The following FUT8 variants were observed in gnomAD, a reference collection of about 807,000 sequenced individuals.
FUT8 encodes the protein fucosyltransferase 8.
A neutral mutation model predicts 71.3 loss-of-function variants in FUT8; 29 were observed. The observed-to-expected ratio is 0.41, with a 90% CI of 0.30 to 0.55. The LOEUF (loss-of-function observed/expected upper bound fraction) is 0.55, where lower values mean the gene tolerates loss of function less well. Ranked by LOEUF, FUT8 falls within the 20% of genes least tolerant of loss-of-function variation. The probability of loss-of-function intolerance (pLI) is 0.34; values close to 1 mark genes in which losing one functional copy is unlikely to be tolerated. For missense variants in FUT8, 544 were observed against 702.1 expected (o/e 0.77, Z 2.55); for synonymous variants, 254 against 239.3 (o/e 1.06, Z -0.57).
intron 7 of FUT8, among the ~76,000 whole-genome samples, chr14:65,693,330 C>A (rs1025459447): frequency 6.6e-6 from 1 of 152,258 alleles, no homozygotes. Flanking sequence ...CACAGCGAAA[C>A]CCCGTCTCCA....
chr14:65,450,415 T>C (rs2065804288), intron 1 of FUT8, among the ~76,000 whole-genome samples: 1 of 152,244 alleles, frequency 6.6e-6, no homozygotes, highest in Admixed American at 6.5e-5. Flanking sequence ...AAACTTATAC[T>C]TATCGTTTTA....
chr14:65,557,629 C>T (rs1885664584), intron 2 of FUT8, among the ~76,000 whole-genome samples: 1 of 137,688 alleles, frequency 7.3e-6, no homozygotes, highest in Admixed American at 7.4e-5. Context: ...CTGTGCCCAG[C>T]CAATTTTGTC....
At chr14:65,538,181 T>C (rs1336545733) in intron 2 of FUT8, among the ~76,000 whole-genome samples, 1 of 152,176 alleles carries the variant, frequency 6.6e-6, no homozygotes, top group Admixed American at 6.5e-5. Flanking sequence ...CTGGGCTCTA[T>C]CCTTACCACT....
intron 3 of FUT8, among the ~76,000 whole-genome samples, chr14:65,576,444 A>G (rs2140097130): frequency 6.6e-6 from 1 of 152,222 alleles, no homozygotes; most frequent in Middle Eastern, 3.4e-3. Context: ...ACATGTTGAT[A>G]TAGACATGCT....
At chr14:65,738,983 CAA>C (rs955856140) in intron 10 of FUT8, among the ~76,000 whole-genome samples, 3 of 152,190 alleles carry the variant, frequency 2.0e-5, no homozygotes, top group African/African-American at 7.2e-5. Flanking sequence ...AATATATACT[CAA>C]GAGCCTGAAA....
the FUT8 span, among the ~76,000 whole-genome samples, chr14:65,370,086 G>A: frequency 2.0e-5 from 3 of 150,078 alleles, no homozygotes; most frequent in Admixed American, 1.3e-4. Flanking sequence ...TCATGTCATC[G>A]TGTGGCTAAA....
chr14:65,414,466 A>G (rs2065190488), intron 1 of FUT8, among the ~76,000 whole-genome samples: 1 of 152,198 alleles, frequency 6.6e-6, no homozygotes, highest in African/African-American at 2.4e-5. Context: ...TCTGCTCTTT[A>G]AAATAACTGT....
At position 65,677,155 on chromosome 14, in the gene FUT8, CGCGCGCATGCGCGCGCACGTATGTGTGT is replaced by C. The variant is rs1273603216; in HGVS notation, c.835+7680_835+7707del. ...GTGTGTGTGTGTGTGTGTGTGTGCGCGCGCGCATGCGCGCGCACGTATGTGTGTGCGCATGTGTGTTTTTAAGTAATAG... is the reference window on the plus strand; with the variant it reads ...GTGTGTGTGTGTGTGTGTGTGTGCGCGCGCATGTGTGTTTTTAAGTAATAG... On this transcript the variant is annotated intron_variant, in intron 7 of 10. Coordinates refer to ENST00000673929, the MANE Select transcript of FUT8 (RefSeq NM_001371533.1). Among the ~76,000 whole-genome samples, 33 of 30,102 alleles carry C rather than the reference CGCGCGCATGCGCGCGCACGTATGTGTGT, an allele frequency of 1.1e-3. No homozygotes were observed. The East Asian group carries it at 0.019, about 17-fold the overall frequency. The allele number at this position is 30,102 out of a possible 152,430, so 19.7% of individuals were successfully genotyped here. A position where few individuals can be genotyped will look rare whatever the true frequency, so the allele number is the denominator to read the frequency against.
chr14:65,441,990 C>T (rs535867659), intron 1 of FUT8, among the ~76,000 whole-genome samples: 1 of 151,982 alleles, frequency 6.6e-6, no homozygotes, highest in African/African-American at 2.4e-5. Flanking sequence ...ATGTTCCCCA[C>T]CCTGGGTCCA....
chr14:65,601,398 AAAAC>A (rs1209756294), intron 3 of FUT8, among the ~76,000 whole-genome samples: 3 of 152,196 alleles, frequency 2.0e-5, no homozygotes, highest in South Asian at 2.1e-4. Context: ...AATTCCAACC[AAAAC>A]AAACAAAACT....
chr14:65,426,171 T>G (rs1467748431), intron 1 of FUT8, among the ~76,000 whole-genome samples: 2 of 152,120 alleles, frequency 1.3e-5, no homozygotes, highest in Non-Finnish European at 2.9e-5. Flanking sequence ...TGAGTTCACC[T>G]TTTTTAGATT....
chr14:65,577,301 C>T (rs1048299253), intron 3 of FUT8, among the ~76,000 whole-genome samples: 12 of 152,156 alleles, frequency 7.9e-5, no homozygotes, highest in South Asian at 4.2e-4. Context: ...GAGATCTGAT[C>T]GGTTATGCTT....
At chr14:65,575,360 T>G (rs887594725) in intron 3 of FUT8, among the ~76,000 whole-genome samples, 1 of 152,146 alleles carries the variant, frequency 6.6e-6, no homozygotes, top group African/African-American at 2.4e-5. Context: ...TTCATTTATG[T>G]GTGACTTTTT....
intron 3 of FUT8, among the ~76,000 whole-genome samples, chr14:65,580,533 G>A (rs1164992801): frequency 1.2e-4 from 18 of 151,726 alleles, no homozygotes; most frequent in South Asian, 4.2e-4. Flanking sequence ...ACACAGACAC[G>A]CACATACAAA....
chr14:65,435,162 A>G (rs1243412170), intron 1 of FUT8, among the ~76,000 whole-genome samples: 1 of 152,262 alleles, frequency 6.6e-6, no homozygotes, highest in African/African-American at 2.4e-5. Flanking sequence ...TAGTGTTTAC[A>G]TATACACACA....
chr14:65,523,529 G>A (rs1231144214), intron 2 of FUT8, among the ~76,000 whole-genome samples: 1 of 152,170 alleles, frequency 6.6e-6, no homozygotes, highest in Non-Finnish European at 1.5e-5. Context: ...TAGGTTGCCT[G>A]TTCACTCTGA....
At chr14:65,634,427 G>A (rs1056311624) in intron 6 of FUT8, among the ~76,000 whole-genome samples, 5 of 152,018 alleles carry the variant, frequency 3.3e-5, no homozygotes, top group African/African-American at 4.8e-5. Flanking sequence ...CAAACACTGC[G>A]GAAGGCTGCA....
chr14:65,375,000 A>G, the FUT8 span, among the ~76,000 whole-genome samples: 2 of 152,278 alleles, frequency 1.3e-5, no homozygotes, highest in South Asian at 4.1e-4. Flanking sequence ...TTGCCTTACA[A>G]TAAGAGCTGT....
chr14:65,361,557 G>A, the FUT8 span, among the ~76,000 whole-genome samples: 1 of 151,916 alleles, frequency 6.6e-6, no homozygotes, highest in Non-Finnish European at 1.5e-5. Flanking sequence ...GGAGGCTGAG[G>A]CTGGGGGATC....
Sources: allele counts gnomAD v4.1 joint callset (sites outside exome capture counted in the v4.1 genomes callset), GRCh38; gene constraint gnomAD v4.1.1; transcripts MANE v1.5; gene names NCBI Gene and HGNC (gene_info 2026-07-23, HGNC 2026-07-21).